Variants in CFAP299 observed in about 807,000 individuals in gnomAD.
The protein encoded by CFAP299 is cilia and flagella associated protein 299.
Under a neutral mutation model 27.0 loss-of-function variants are expected in CFAP299, and 21 were observed. That is an observed-to-expected ratio of 0.78 (90% confidence interval 0.55 to 1.12). The LOEUF is 1.12. CFAP299 is among the 50% of genes most tolerant of loss of function. The pLI, the probability that CFAP299 is intolerant of heterozygous loss-of-function variation, is 0.00. For missense variants in CFAP299, 310 were observed against 276.6 expected (o/e 1.12, Z -0.86); for synonymous variants, 104 against 98.1 (o/e 1.06, Z -0.36).
intron 3 of CFAP299, among the ~76,000 whole-genome samples, chr4:80,788,258 C>A (rs1343620155): frequency 6.6e-6 from 1 of 151,878 alleles, no homozygotes; most frequent in Non-Finnish European, 1.5e-5. Flanking sequence ...TACTTTTAGT[C>A]CCTGAGCACA....
intron 2 of CFAP299, among the ~76,000 whole-genome samples, chr4:80,468,343 C>A (rs1393753868): frequency 1.3e-5 from 2 of 151,720 alleles, no homozygotes; most frequent in African/African-American, 2.4e-5. Flanking sequence ...CCAGCCTCAG[C>A]CTCCCGAGTA....
chr4:80,388,214 TG>T, intron 2 of CFAP299: 1 of 697,850 alleles, frequency 1.4e-6, no homozygotes, highest in East Asian at 2.7e-5. Flanking sequence ...GGGCACAGAA[TG>T]CATGTTCAGG....
At chr4:80,395,840 T>G (rs1725751636) in intron 2 of CFAP299, among the ~76,000 whole-genome samples, 1 of 152,172 alleles carries the variant, frequency 6.6e-6, no homozygotes. Flanking sequence ...GTAGTAAACA[T>G]TCTTCAAAAT....
At chr4:80,550,244 G>T (rs72863103) in intron 2 of CFAP299, among the ~76,000 whole-genome samples, 10,588 of 151,794 alleles carry the variant, frequency 0.07, 555 homozygotes, top group East Asian at 0.25. Flanking sequence ...TAGGCATGTT[G>T]GCATATAAAA....
At chr4:80,726,939 T>C (rs1323049920) in intron 3 of CFAP299, among the ~76,000 whole-genome samples, 3 of 152,154 alleles carry the variant, frequency 2.0e-5, no homozygotes, top group East Asian at 3.8e-4. Context: ...GTTTTTCTTT[T>C]AGTTCACTAA....
chr4:80,404,449 T>TA (rs1726314866), intron 2 of CFAP299, among the ~76,000 whole-genome samples: 1 of 152,208 alleles, frequency 6.6e-6, no homozygotes, highest in Non-Finnish European at 1.5e-5. Context: ...TTCATTTGCT[T>TA]ATTCTCCAGC....
chr4:80,404,694 C>T (rs756459841), intron 2 of CFAP299, among the ~76,000 whole-genome samples: 8 of 152,294 alleles, frequency 5.3e-5, no homozygotes, highest in Non-Finnish European at 1.0e-4. Flanking sequence ...TTAATAGACA[C>T]TTGGGTTGCT....
intron 3 of CFAP299, among the ~76,000 whole-genome samples, chr4:80,715,067 A>G (rs1722401596): frequency 6.6e-6 from 1 of 151,932 alleles, no homozygotes; most frequent in Non-Finnish European, 1.5e-5. Flanking sequence ...AAACCTCACA[A>G]TTTTCCAGGT....
chr4:80,470,199 T>C (rs1260567524), intron 2 of CFAP299, among the ~76,000 whole-genome samples: 1 of 152,188 alleles, frequency 6.6e-6, no homozygotes, highest in African/African-American at 2.4e-5. Context: ...AAATGTCTTA[T>C]GTTCAGATCC....
intron 3 of CFAP299, among the ~76,000 whole-genome samples, chr4:80,594,215 A>T (rs1269600349): frequency 1.2e-4 from 19 of 152,148 alleles, no homozygotes; most frequent in Admixed American, 1.2e-3. Flanking sequence ...GCCCCAGGAA[A>T]CTCACAACCA....
Position 80,337,181 on chromosome 4 carries a change from A to G in CFAP299, c.111+1302A>G, listed in dbSNP as rs1486743689. Among the ~76,000 whole-genome samples the G allele has an allele frequency of 3.3e-5, 5 of 152,316 alleles. 1 individual carries two copies. The highest frequency in any genetic ancestry group is 3.3e-4 in the Admixed American group (5 of 15,302). Reference sequence around the variant, plus strand: ...ACAATGTTTACATCTAAATTTTTGAATGTTTAAATAAACAAAAAATGAAAT... The same window carrying G: ...ACAATGTTTACATCTAAATTTTTGAGTGTTTAAATAAACAAAAAATGAAAT... On this transcript the variant is annotated intron_variant, in intron 1 of 5. Coordinates refer to ENST00000358105, the MANE Select transcript of CFAP299 (RefSeq NM_152770.3).
chr4:80,394,346 A>G (rs1249588206), intron 2 of CFAP299, among the ~76,000 whole-genome samples: 1 of 150,198 alleles, frequency 6.7e-6, no homozygotes, highest in Admixed American at 6.6e-5. Flanking sequence ...ACTCTTTTTC[A>G]GATGTATGGT....
intron 2 of CFAP299, among the ~76,000 whole-genome samples, chr4:80,545,939 C>G (rs1262697485): frequency 6.6e-6 from 1 of 152,128 alleles, no homozygotes; most frequent in East Asian, 1.9e-4. Flanking sequence ...GATGAAAGAT[C>G]GGTTCAGCAT....
intron 3 of CFAP299, among the ~76,000 whole-genome samples, chr4:80,818,558 T>G (rs1462518262): frequency 6.6e-6 from 1 of 152,150 alleles, no homozygotes; most frequent in Admixed American, 6.6e-5. Flanking sequence ...TATTAGCCAC[T>G]CATTCACTCT....
intron 4 of CFAP299, among the ~76,000 whole-genome samples, chr4:80,890,720 CTGT>C (rs1454812826): frequency 1.3e-5 from 2 of 150,624 alleles, no homozygotes; most frequent in Non-Finnish European, 2.9e-5. Flanking sequence ...TCTCTAGCAC[CTGT>C]TGTTTCCTGA....
At chr4:80,699,036 A>G (rs1396297728) in intron 3 of CFAP299, among the ~76,000 whole-genome samples, 1 of 152,174 alleles carries the variant, frequency 6.6e-6, no homozygotes, top group African/African-American at 2.4e-5. Flanking sequence ...CAAGTGTTTA[A>G]TATTTCTGGC....
intron 3 of CFAP299, among the ~76,000 whole-genome samples, chr4:80,707,393 C>T (rs1721883541): frequency 1.3e-5 from 2 of 151,934 alleles, no homozygotes; most frequent in South Asian, 4.1e-4. Context: ...TGCAGCCATG[C>T]TCATCTGTTT....
intron 3 of CFAP299, among the ~76,000 whole-genome samples, chr4:80,766,887 T>C (rs757890811): frequency 1.2e-4 from 19 of 152,186 alleles, no homozygotes; most frequent in Non-Finnish European, 2.6e-4. Flanking sequence ...TTTGTTAAAA[T>C]AGTTGTGTAT....
chr4:80,472,416 C>CA (rs1279148991), intron 2 of CFAP299, among the ~76,000 whole-genome samples: 1 of 152,022 alleles, frequency 6.6e-6, no homozygotes, highest in Non-Finnish European at 1.5e-5. Context: ...TCATTTTCCC[C>CA]AAAAAAACTA....
Sources: allele counts gnomAD v4.1 joint callset (sites outside exome capture counted in the v4.1 genomes callset), GRCh38; gene constraint gnomAD v4.1.1; transcripts MANE v1.5; gene names NCBI Gene and HGNC (gene_info 2026-07-23, HGNC 2026-07-21).